HS1BP3: variants seen among roughly 807,000 people sequenced by gnomAD.
The protein encoded by HS1BP3 is HCLS1 binding protein 3.
HS1BP3 carries 32 observed loss-of-function variants against 33.5 expected under a neutral mutation model. The observed-to-expected ratio is 0.95, with a 90% confidence interval of 0.72 to 1.28. The LOEUF (loss-of-function observed/expected upper bound fraction) is 1.28, where lower values mean the gene tolerates loss of function less well. Among genes scored for constraint, HS1BP3 ranks in the 50% most tolerant of loss-of-function variants. The pLI is 0.00. For missense variants in HS1BP3, 486 were observed against 502.3 expected (o/e 0.97, Z 0.31); for synonymous variants, 187 against 209.2 (o/e 0.89, Z 0.92).
Position 20,598,400 on chromosome 2 carries a change from C to G in HS1BP3, c.179-135G>C, listed in dbSNP as rs1468398128. ...CACTCCTGTGAGAATCTAATGCTGCCGCTGATCTGACAGGAGGTGAAGCTC... is the reference window on the plus strand; with the variant it reads ...CACTCCTGTGAGAATCTAATGCTGCGGCTGATCTGACAGGAGGTGAAGCTC... On this transcript the variant is annotated intron_variant, in intron 2 of 3. Transcript: ENST00000415264. 1.5e-5 allele frequency: 3 copies of G among 195,902 alleles called. 1 individual carries two copies. The highest frequency in any genetic ancestry group is 1.2e-4 in the East Asian group (1 of 8,030). 12.1% of individuals were successfully genotyped at this position (195,902 alleles called of 1,614,324 possible).
intron 5 of HS1BP3, among the ~76,000 whole-genome samples, chr2:20,565,846 G>A (rs565620840): frequency 8.3e-4 from 127 of 152,192 alleles, no homozygotes; most frequent in Non-Finnish European, 1.2e-3. Flanking sequence ...TGGAGCCTGC[G>A]CAGTGAGATG....
At chr2:20,629,799 G>A (rs998807956) in intron 4 of HS1BP3, among the ~76,000 whole-genome samples, 3 of 152,236 alleles carry the variant, frequency 2.0e-5, no homozygotes, top group East Asian at 1.9e-4. Context: ...TTCTGCAGGC[G>A]GGCGTGCAGC....
intron 5 of HS1BP3, among the ~76,000 whole-genome samples, chr2:20,576,277 C>T (rs964422682): frequency 6.6e-5 from 10 of 152,160 alleles, no homozygotes; most frequent in African/African-American, 1.7e-4. Flanking sequence ...CCATTGCACC[C>T]GGCTATGTGA....
At chr2:20,563,752 G>T (rs1398227278) in intron 5 of HS1BP3, among the ~76,000 whole-genome samples, 1 of 152,182 alleles carries the variant, frequency 6.6e-6, no homozygotes, top group Non-Finnish European at 1.5e-5. Flanking sequence ...CCTGGCAGTA[G>T]AATCCAGAGG....
At chr2:20,628,021 G>A (rs1694842343) in intron 4 of HS1BP3, among the ~76,000 whole-genome samples, 1 of 152,150 alleles carries the variant, frequency 6.6e-6, no homozygotes, top group African/African-American at 2.4e-5. Flanking sequence ...GGGGCAGGGA[G>A]GGAAGAGGGA....
At chr2:20,629,355 G>A (rs1694899797) in intron 4 of HS1BP3, among the ~76,000 whole-genome samples, 1 of 152,226 alleles carries the variant, frequency 6.6e-6, no homozygotes, top group Non-Finnish European at 1.5e-5. Flanking sequence ...GCTGTCTGCA[G>A]GCGCAGGGCC....
intron 5 of HS1BP3, among the ~76,000 whole-genome samples, chr2:20,569,611 C>T (rs1693217182): frequency 6.6e-6 from 1 of 152,188 alleles, no homozygotes; most frequent in Admixed American, 6.5e-5. Context: ...CAACCCTTCC[C>T]CTAAGTCCAC....
intron 5 of HS1BP3, 47 bp downstream of exon 5, chr2:20,624,685 C>T: frequency 1.3e-6 from 2 of 1,533,306 alleles, no homozygotes; most frequent in Non-Finnish European, 1.8e-6. Context: ...GGTGATGGGG[C>T]TGGGCACCGA....
chr2:20,640,144 A>C (rs1431024717), intron 3 of HS1BP3: 1 of 152,302 alleles, frequency 6.6e-6, no homozygotes, highest in Non-Finnish European at 1.5e-5. Context: ...AGACGGATGT[A>C]AAGAGGGGAG....
Position 20,651,055 on chromosome 2 carries a change from G to C in HS1BP3, c.9C>G (p.Ser3=). The C allele has an allele frequency of 8.1e-7, 1 of 1,238,152 alleles. No individual in the cohort carries two copies. Among genetic ancestry groups the C allele is most frequent in the Non-Finnish European group, 1.0e-6 (1 of 991,512 alleles). 76.7% of individuals were successfully genotyped at this position (1,238,152 alleles called of 1,614,324 possible). MQ[S]PAVLVTSRRL... ...ACCTGGAGGTGACGAGCACCGCCGG[G>C]GACTGCATGACGGCGGCGGGGACTC... The change falls in exon 1 of 7, where the codon TCC becomes TCG. Residue 3 remains serine, a synonymous_variant. Coordinates refer to ENST00000304031, the MANE Select transcript of HS1BP3 (RefSeq NM_022460.4).
chr2:20,555,412 G>A, the HS1BP3 span, among the ~76,000 whole-genome samples: 6 of 152,202 alleles, frequency 3.9e-5, no homozygotes, highest in Admixed American at 1.3e-4. Context: ...TGACAGCAGA[G>A]CATTAATCCA....
chr2:20,589,377 C>G (rs987149252), downstream of HS1BP3, among the ~76,000 whole-genome samples: 2 of 152,228 alleles, frequency 1.3e-5, no homozygotes, highest in African/African-American at 4.8e-5. Flanking sequence ...ACACTAAACC[C>G]CTGTGGAACA....
downstream of HS1BP3, among the ~76,000 whole-genome samples, chr2:20,614,544 A>G (rs1694379537): frequency 6.6e-6 from 1 of 152,162 alleles, no homozygotes; most frequent in Non-Finnish European, 1.5e-5. Context: ...ATTGGCTTTA[A>G]TGGCTCAAGT....
downstream of HS1BP3, among the ~76,000 whole-genome samples, chr2:20,616,891 G>A (rs935795421): frequency 3.0e-4 from 45 of 152,182 alleles, no homozygotes; most frequent in African/African-American, 8.2e-4. Flanking sequence ...GCCATGAGTC[G>A]CAGTCCTGTG....
intron 5 of HS1BP3, among the ~76,000 whole-genome samples, chr2:20,586,957 C>T (rs929053484): frequency 1.6e-4 from 24 of 152,134 alleles, no homozygotes; most frequent in African/African-American, 5.6e-4. Context: ...AACACCAGCC[C>T]TCTCAAACCT....
rs1694466400 is a variant in HS1BP3, at chr2:20,617,892, T to C, written c.*1095A>G. 1 of 152,648 alleles carries C rather than the reference T, an allele frequency of 6.6e-6. No individual in the cohort carries two copies. Among genetic ancestry groups the C allele is most frequent in the Non-Finnish European group, 1.5e-5 (1 of 68,048 alleles). The allele number at this position is 152,648 out of a possible 1,614,324, so 9.5% of individuals were successfully genotyped here. A position where few individuals can be genotyped will look rare whatever the true frequency, so the allele number is the denominator to read the frequency against. On this transcript the variant is annotated 3_prime_UTR_variant, in exon 7 of 7. Coordinates refer to ENST00000304031, the MANE Select transcript of HS1BP3 (RefSeq NM_022460.4). Reference sequence around the variant, plus strand: ...AAGCACTGTGTGGTGCCTAGACCTGTGTACCAGCGCTCTGGGGGTCGGGAG... The same window carrying C: ...AAGCACTGTGTGGTGCCTAGACCTGCGTACCAGCGCTCTGGGGGTCGGGAG...
intron 5 of HS1BP3, among the ~76,000 whole-genome samples, chr2:20,577,713 T>C (rs1693434837): frequency 6.6e-6 from 1 of 152,122 alleles, no homozygotes; most frequent in Admixed American, 6.5e-5. Flanking sequence ...TCAGGCCGGG[T>C]GCATGAGCTG....
At chr2:20,557,297 T>A (rs114409977), downstream of HS1BP3, among the ~76,000 whole-genome samples, 1,231 of 152,360 alleles carry the variant, frequency 8.1e-3, 16 homozygotes, top group African/African-American at 0.029. Context: ...TAGGATGTCC[T>A]GCCTTCCAGA....
chr2:20,605,380 C>T (rs1206295247), intron 2 of HS1BP3, among the ~76,000 whole-genome samples: 4 of 152,214 alleles, frequency 2.6e-5, no homozygotes, highest in Non-Finnish European at 5.9e-5. Context: ...GCAAGGCCAC[C>T]TTCCTTTTGT....
Sources: gnomAD v4.1 joint callset for allele counts (sites outside exome capture counted in the v4.1 genomes callset) on GRCh38, gnomAD v4.1.1 for gene constraint, MANE v1.5 for transcripts, NCBI Gene and HGNC (gene_info 2026-07-23, HGNC 2026-07-21) for gene names.